Variants in PRIM2 observed in about 807,000 individuals in gnomAD.
PRIM2 encodes the protein DNA primase subunit 2.
A neutral mutation model predicts 67.3 loss-of-function variants in PRIM2; 39 were observed. The ratio of observed to expected loss-of-function variants is 0.58; its 90% CI spans 0.45 to 0.76. The LOEUF (loss-of-function observed/expected upper bound fraction) is 0.76. Ranked by LOEUF, PRIM2 falls within the 30% of genes least tolerant of loss-of-function variation. The pLI, the probability that PRIM2 is intolerant of heterozygous loss-of-function variation, is 0.00. For synonymous variants in PRIM2, 143 were observed against 198.7 expected (o/e 0.72, Z 2.36); for missense variants, 398 against 598.7 (o/e 0.66, Z 3.50).
chr6:57,417,040 C>T (rs1308212498), intron 7 of PRIM2, among the ~76,000 whole-genome samples: 2 of 151,334 alleles, frequency 1.3e-5, no homozygotes, highest in African/African-American at 4.9e-5. Flanking sequence ...ATTTTCAGCT[C>T]ATTGCAGTCT....
intron 7 of PRIM2, among the ~76,000 whole-genome samples, chr6:57,427,719 A>G (rs867577533): frequency 4.2e-4 from 64 of 152,296 alleles, no homozygotes; most frequent in African/African-American, 1.5e-3. Context: ...TTATTTATAA[A>G]TGAGATTAAA....
chr6:57,417,028 G>A (rs10456743), intron 7 of PRIM2, among the ~76,000 whole-genome samples: 3 of 150,764 alleles, frequency 2.0e-5, no homozygotes, highest in African/African-American at 7.3e-5. Context: ...GTGCAATGGC[G>A]CATTTTCAGC....
chr6:57,608,163 G>A (rs1471932858), intron 12 of PRIM2, among the ~76,000 whole-genome samples: 3 of 152,104 alleles, frequency 2.0e-5, no homozygotes, highest in African/African-American at 7.2e-5. Flanking sequence ...GATCAATGAA[G>A]ACTGAACAGA....
At chr6:57,275,388 C>G in the PRIM2 span, among the ~76,000 whole-genome samples, 1 of 152,176 alleles carries the variant, frequency 6.6e-6, no homozygotes, top group Admixed American at 6.5e-5. Context: ...ACTCAGGAAG[C>G]TGAGGCATGA....
intron 7 of PRIM2, among the ~76,000 whole-genome samples, chr6:57,447,502 G>A (rs1346542801): frequency 6.6e-6 from 1 of 152,210 alleles, no homozygotes; most frequent in Admixed American, 6.5e-5. Context: ...GGAAAAGGAA[G>A]GCAGGCATTC....
chr6:57,603,560 AC>A (rs1199238510), intron 11 of PRIM2, among the ~76,000 whole-genome samples: 1 of 152,010 alleles, frequency 6.6e-6, no homozygotes, highest in East Asian at 1.9e-4. Context: ...TTGTACCAGT[AC>A]CATACTGTTT....
At chr6:57,335,218 C>T (rs1322156910) in intron 5 of PRIM2, among the ~76,000 whole-genome samples, 10 of 145,690 alleles carry the variant, frequency 6.9e-5, no homozygotes, top group Admixed American at 2.1e-4. Flanking sequence ...CCTACGCCCA[C>T]GGAGTCTCGC....
intron 7 of PRIM2, among the ~76,000 whole-genome samples, chr6:57,425,111 A>T (rs1771578824): frequency 1.3e-5 from 2 of 152,178 alleles, no homozygotes; most frequent in African/African-American, 4.8e-5. Context: ...CTCACTTAAA[A>T]TATGTTCTGT....
At chr6:57,628,281 C>T (rs1254600469) in intron 12 of PRIM2, among the ~76,000 whole-genome samples, 2 of 151,834 alleles carry the variant, frequency 1.3e-5, no homozygotes, top group African/African-American at 4.8e-5. Flanking sequence ...ATGTGTTTTC[C>T]TGACCTATTC....
At chr6:57,405,317 T>C (rs1313304807) in intron 7 of PRIM2, among the ~76,000 whole-genome samples, 1 of 152,016 alleles carries the variant, frequency 6.6e-6, no homozygotes, top group Non-Finnish European at 1.5e-5. Context: ...TGTTACAGGG[T>C]TGATAAAGTG....
At chr6:57,328,934 G>C (rs1366943264) in intron 5 of PRIM2, among the ~76,000 whole-genome samples, 2 of 152,074 alleles carry the variant, frequency 1.3e-5, no homozygotes, top group African/African-American at 2.4e-5. Context: ...ATGCTTATTG[G>C]TCATTTGTAT....
chr6:57,612,392 G>T (rs1776683505), intron 12 of PRIM2, among the ~76,000 whole-genome samples: 1 of 152,282 alleles, frequency 6.6e-6, no homozygotes, highest in South Asian at 2.1e-4. Flanking sequence ...TCATACAATG[G>T]AATATTACCT....
chr6:57,396,174 T>G (rs1358892171), intron 7 of PRIM2, among the ~76,000 whole-genome samples: 2 of 152,218 alleles, frequency 1.3e-5, no homozygotes, highest in East Asian at 3.8e-4. Context: ...TAAGTCCAAT[T>G]GTTCCAAGGT....
At chr6:57,563,633 G>A (rs1442261418) in intron 10 of PRIM2, among the ~76,000 whole-genome samples, 1 of 152,112 alleles carries the variant, frequency 6.6e-6, no homozygotes, top group Non-Finnish European at 1.5e-5. Flanking sequence ...ACTTGTATAT[G>A]CCTTAGCTTT....
the PRIM2 span, among the ~76,000 whole-genome samples, chr6:57,244,188 C>T: frequency 6.6e-6 from 1 of 152,122 alleles, no homozygotes. Context: ...CTTAGCTGCA[C>T]CAACCAATCA....
the PRIM2 span, among the ~76,000 whole-genome samples, chr6:57,292,995 T>C: frequency 2.6e-5 from 4 of 152,290 alleles, no homozygotes; most frequent in Non-Finnish European, 4.4e-5. Flanking sequence ...AAATGGGATC[T>C]AATTAAACTA....
At chr6:57,642,161 A>G (rs1297464694) in intron 13 of PRIM2, among the ~76,000 whole-genome samples, 1 of 152,154 alleles carries the variant, frequency 6.6e-6, no homozygotes, top group Non-Finnish European at 1.5e-5. Context: ...GTTCTCACTC[A>G]TAAGTGGGAG....
intron 7 of PRIM2, among the ~76,000 whole-genome samples, chr6:57,430,447 GTTTTTTTTTTT>G (rs71687266): frequency 9.0e-5 from 7 of 78,160 alleles, no homozygotes; most frequent in South Asian, 7.3e-4. Flanking sequence ...TTCTTTCTTT[GTTTTTTTTTTT>G]TTTTTTTTTT....
At chr6:57,348,892 G>A (rs1255470761) in intron 5 of PRIM2, among the ~76,000 whole-genome samples, 1 of 151,680 alleles carries the variant, frequency 6.6e-6, no homozygotes, top group African/African-American at 2.4e-5. Flanking sequence ...GACTATAGGT[G>A]TGTGCCACCC....
Sources: gnomAD v4.1 joint callset for allele counts (sites outside exome capture counted in the v4.1 genomes callset) on GRCh38, gnomAD v4.1.1 for gene constraint, MANE v1.5 for transcripts, NCBI Gene and HGNC (gene_info 2026-07-23, HGNC 2026-07-21) for gene names.